CLPTM1L: variants seen among roughly 807,000 people sequenced by gnomAD.
CLPTM1L encodes the protein CLPTM1 like, also known as lipid scramblase CLPTM1L.
In CLPTM1L, 38 loss-of-function variants were observed where a neutral mutation model predicts 70.9. The ratio of observed to expected loss-of-function variants is 0.54; its 90% CI spans 0.41 to 0.70. CLPTM1L has a LOEUF of 0.70. Ranked by LOEUF, CLPTM1L falls within the 30% of genes least tolerant of loss-of-function variation. The pLI is 0.00. For synonymous variants in CLPTM1L, 339 were observed against 299.9 expected, an observed-to-expected ratio of 1.13 and a Z score of -1.35; for missense variants, 652 against 705.9, an observed-to-expected ratio of 0.92 and a Z score of 0.87.
chr5:1,339,378 G>T (rs1044195128), intron 3 of CLPTM1L, among the ~76,000 whole-genome samples: 1 of 141,954 alleles, frequency 7.0e-6, no homozygotes, highest in Non-Finnish European at 1.5e-5. Flanking sequence ...AACCGCACCC[G>T]GACAGCAGGG....
In CLPTM1L at chr5:1,338,999, C is replaced by T. The variant is rs778211361; in HGVS notation, c.460G>A (p.Glu154Lys). Reference sequence around the variant, plus strand: ...GCACTCGTCGGCTTCTTCTCCGCCTCGATCTGCTGTTAAGTGAGGAAAACA... The same window carrying T: ...GCACTCGTCGGCTTCTTCTCCGCCTTGATCTGCTGTTAAGTGAGGAAAACA... Reference protein sequence around the residue: ...LTGESDTQQIEAEKKPTSALD... With the variant: ...LTGESDTQQIKAEKKPTSALD... Residue 154 changes from glutamate (E) to lysine (K), a missense_variant, in exon 4 of 17, where the codon GAG becomes AAG. This residue lies in a region of CLPTM1L where 402 missense variants were observed against 388.2 expected (regional missense o/e 1.04). Transcript: ENST00000320895. 2.9e-5 allele frequency: 46 copies of T among 1,612,838 alleles called. No individual in the cohort carries two copies. The highest frequency in any genetic ancestry group is 3.6e-5 in the Non-Finnish European group (43 of 1,179,804).
In CLPTM1L at chr5:1,342,043, C is replaced by CGCGT. The variant is rs1553974603; in HGVS notation, c.264-184_264-183insACGC. Among the ~76,000 whole-genome samples the CGCGT allele has an allele frequency of 2.6e-5, 3 of 117,070 alleles. No homozygotes were observed. Among genetic ancestry groups the CGCGT allele is most frequent in the East Asian group, 2.0e-4 (1 of 5,042 alleles). The allele number at this position is 117,070 out of a possible 152,430, so 76.8% of individuals were successfully genotyped here. A position where few individuals can be genotyped will look rare whatever the true frequency, so the allele number is the denominator to read the frequency against. ...GTGTGTGTGTGTGTGTGTGTGTGCA[C>CGCGT]GCGCACGCGTGCGCGTCCTGAGAAC... On this transcript the variant is annotated intron_variant, in intron 2 of 16. Transcript: ENST00000320895. This position sits in a 1 kb window ranked among gnomAD's most constrained non-coding sequence, Gnocchi z 4.3.
intron 1 of CLPTM1L, 62 bp downstream of exon 1, chr5:1,344,618 T>C: frequency 6.6e-7 from 1 of 1,514,116 alleles, no homozygotes; most frequent in East Asian, 2.5e-5. Flanking sequence ...AGGCGACGTC[T>C]GGGGCCTGGA....
intron 15 of CLPTM1L, 29 bp from the exon 16 acceptor site, chr5:1,320,760 C>A (rs1752104757): frequency 7.5e-7 from 1 of 1,338,052 alleles, no homozygotes; most frequent in South Asian, 1.3e-5. Context: ...GGAGGGTGAA[C>A]CCCAGTTGCT....
intron 5 of CLPTM1L, among the ~76,000 whole-genome samples, chr5:1,336,726 C>T (rs1753596912): frequency 6.6e-6 from 1 of 152,222 alleles, no homozygotes; most frequent in Admixed American, 6.5e-5. Flanking sequence ...AGCGCCAGAC[C>T]TGCTCGCCAG....
At chr5:1,344,004 G>A (rs1299650394) in intron 2 of CLPTM1L, among the ~76,000 whole-genome samples, 4 of 152,218 alleles carry the variant, frequency 2.6e-5, no homozygotes, top group Admixed American at 6.5e-5. Flanking sequence ...ACTTCCACCA[G>A]GAAAAGACAA....
Position 1,318,281 on chromosome 5 carries a change from C to T in CLPTM1L, c.*88G>A, listed in dbSNP as rs1430594773. On this transcript the variant is annotated 3_prime_UTR_variant, in exon 17 of 17. Coordinates refer to ENST00000320895, the MANE Select transcript of CLPTM1L (RefSeq NM_030782.5). The surrounding 1 kb of genome is among the most constrained non-coding windows in gnomAD (Gnocchi z 8.9). ...GAAGGGATTTTGGCAACACAGAAAA[C>T]GCAATGTCTAGGAATTCCTCCAAAT... The T allele has an allele frequency of 1.7e-5, 18 of 1,077,536 alleles. No homozygotes were observed. Among genetic ancestry groups the T allele is most frequent in the Admixed American group, 7.6e-5 (4 of 52,702 alleles). 66.7% of individuals were successfully genotyped at this position (1,077,536 alleles called of 1,614,324 possible).
intron 15 of CLPTM1L, 64 bp from the exon 16 acceptor site, chr5:1,320,795 G>A (rs1752106952): frequency 3.2e-6 from 3 of 949,634 alleles, no homozygotes; most frequent in African/African-American, 3.4e-5. Context: ...ACTGTTTTTG[G>A]TAACCTAACC....
intron 3 of CLPTM1L, 82 bp from the exon 4 acceptor site, chr5:1,339,087 A>G: frequency 2.0e-6 from 3 of 1,491,656 alleles, no homozygotes; most frequent in Non-Finnish European, 1.8e-6. Flanking sequence ...TAACCTGCGA[A>G]CAGAACGGCC....
rs1579657392 is a variant in CLPTM1L at position 1,341,851 on chromosome 5, A to G, written c.273T>C (p.Asn91=). The G allele has an allele frequency of 4.3e-6, 7 of 1,612,374 alleles. No individual in the cohort carries two copies. The highest frequency in any genetic ancestry group is 5.9e-6 in the Non-Finnish European group (7 of 1,178,548). The change falls in exon 3 of 17, where the codon AAT becomes AAC. Residue 91 remains asparagine, a synonymous_variant. Transcript: ENST00000320895. ...TTCTCGTTTTCTTTGGTACAGAAAC[A>G]TTAACTGTCCTGAAACAGAACAATC... The part of the protein sequence containing the change: ...DVESKFERTV[N]VSVPKKTRNN...
intron 5 of CLPTM1L, 152 bp downstream of exon 5, chr5:1,337,752 G>A (rs554823597): frequency 3.4e-5 from 23 of 681,128 alleles, no homozygotes; most frequent in East Asian, 1.6e-4. Context: ...CACAACCCTC[G>A]CACACTCGAA....
chr5:1,331,345 T>C (rs1753073022), intron 8 of CLPTM1L: 1 of 179,036 alleles, frequency 5.6e-6, no homozygotes, highest in Non-Finnish European at 1.2e-5. Flanking sequence ...CACGGGCCTA[T>C]TAACTGCCAT....
chr5:1,344,044 T>G (rs1754113929), intron 2 of CLPTM1L, among the ~76,000 whole-genome samples: 1 of 152,248 alleles, frequency 6.6e-6, no homozygotes, highest in African/African-American at 2.4e-5. Flanking sequence ...ACTGCAGAGT[T>G]GTCTGCTCTC....
chr5:1,318,049 C>G lies in CLPTM1L; in HGVS notation c.*320G>C, dbSNP rs760970565. 8 of 353,246 alleles carry G rather than the reference C, an allele frequency of 2.3e-5. No homozygotes were observed. Among genetic ancestry groups the G allele is most frequent in the Non-Finnish European group, 4.1e-5 (8 of 196,334 alleles). The allele number at this position is 353,246 out of a possible 1,614,324, so 21.9% of individuals were successfully genotyped here. On this transcript the variant is annotated 3_prime_UTR_variant, in exon 17 of 17. Transcript: ENST00000320895. The surrounding 1 kb of genome is among the most constrained non-coding windows in gnomAD (Gnocchi z 8.9). The stretch of plus-strand genomic sequence containing the variant: ...CACCTGAAATGGAAATCCAACAGCC[C>G]CCTTGCCTGTGAGGGCTCCCACCCC...
intron 5 of CLPTM1L, among the ~76,000 whole-genome samples, chr5:1,335,587 G>A (rs913583108): frequency 3.3e-5 from 5 of 152,234 alleles, no homozygotes; most frequent in African/African-American, 1.2e-4. Context: ...TGGAGACCAC[G>A]GGACAAGCAC....
rs1752170500 is a variant in CLPTM1L at position 1,321,805 on chromosome 5, C to A, written c.1330G>T (p.Gly444Cys). Reference sequence around the variant, plus strand: ...AGCTGGGGCAGCATGAAGAGGAAACCAAAGGCATAGACCCCTGCAGAAAGA... The same window carrying A: ...AGCTGGGGCAGCATGAAGAGGAAACAAAAGGCATAGACCCCTGCAGAAAGA... ...NSFVNGVYAF[G>C]FLFMLPQLFV... Residue 444 changes from glycine (G) to cysteine (C), a missense_variant, in exon 14 of 17, where the codon GGT (glycine) becomes TGT (cysteine). Gly to Cys is a radical substitution (Grantham distance 159, BLOSUM62 -3). Transcript: ENST00000320895. The A allele has an allele frequency of 6.2e-7, 1 of 1,613,846 alleles. No homozygotes were observed. Among genetic ancestry groups the A allele is most frequent in the Admixed American group, 1.7e-5 (1 of 59,984 alleles).
At chr5:1,326,072 G>T in intron 9 of CLPTM1L, 1 of 511,106 alleles carries the variant, frequency 2.0e-6, no homozygotes, top group Admixed American at 3.3e-5. Context: ...GCATGTGAGG[G>T]CAGTTCTTTA....
At chr5:1,319,838 C>T (rs372774996) in intron 16 of CLPTM1L, among the ~76,000 whole-genome samples, 20 of 152,344 alleles carry the variant, frequency 1.3e-4, no homozygotes, top group Non-Finnish European at 2.1e-4. Flanking sequence ...GCCCTGGGGC[C>T]GGCACTGGAG....
chr5:1,323,026 A>C, intron 12 of CLPTM1L, 115 bp from the exon 13 acceptor site: 2 of 1,053,412 alleles, frequency 1.9e-6, no homozygotes, highest in Non-Finnish European at 1.4e-6. Context: ...AGATGCTCTC[A>C]CGGCAGCTCG....
Sources: gnomAD v4.1 joint callset for allele counts (sites outside exome capture counted in the v4.1 genomes callset) on GRCh38, gnomAD v4.1.1 for gene constraint, gnomAD v4.1.1 regional missense constraint, Gnocchi (gnomAD v3.1) non-coding constraint, MANE v1.5 for transcripts, NCBI Gene and HGNC (gene_info 2026-07-23, HGNC 2026-07-21) for gene names.